Variants in PHLDB2 observed in about 807,000 individuals in gnomAD.
PHLDB2 encodes pleckstrin homology-like domain family B member 2.
A neutral mutation model predicts 123.6 loss-of-function variants in PHLDB2; 71 were observed. The observed-to-expected ratio is 0.57, with a 90% CI of 0.47 to 0.70. PHLDB2 has a LOEUF of 0.70. Ranked by LOEUF, PHLDB2 falls within the 30% of genes least tolerant of loss-of-function variation. The pLI is 0.00. For synonymous variants in PHLDB2, 547 were observed against 541.6 expected, an observed-to-expected ratio of 1.01 and a Z score of -0.14; for missense variants, 1,446 against 1,519.5, an observed-to-expected ratio of 0.95 and a Z score of 0.80.
chr3:111,741,636 T>C (rs1364628337), intron 1 of PHLDB2, among the ~76,000 whole-genome samples: 1 of 152,168 alleles, frequency 6.6e-6, no homozygotes, highest in Non-Finnish European at 1.5e-5. Flanking sequence ...AAATCCTTTG[T>C]CTGGACTATT....
In PHLDB2 at chr3:111,974,703, C is replaced by A; in HGVS notation, c.*140C>A. 2 of 840,840 alleles carry A rather than the reference C, an allele frequency of 2.4e-6. No homozygotes were observed. Among genetic ancestry groups the A allele is most frequent in the Middle Eastern group, 3.0e-4 (1 of 3,342 alleles). The allele number at this position is 840,840 out of a possible 1,614,324, so 52.1% of individuals were successfully genotyped here. A position where few individuals can be genotyped will look rare whatever the true frequency, so the allele number is the denominator to read the frequency against. ...ACTCAGAACTCCTTTCATATCAAGA[C>A]AAGTTATTTGTAAAAAATAAAGAAG... On this transcript the variant is annotated 3_prime_UTR_variant, in exon 18 of 18. Coordinates refer to ENST00000431670, the MANE Select transcript of PHLDB2 (RefSeq NM_001134438.2).
At chr3:111,740,067 G>A (rs905874235) in intron 1 of PHLDB2, among the ~76,000 whole-genome samples, 1 of 151,962 alleles carries the variant, frequency 6.6e-6, no homozygotes, top group Non-Finnish European at 1.5e-5. Context: ...AGGCAGCCCG[G>A]GCAGTACAAC....
intron 1 of PHLDB2, among the ~76,000 whole-genome samples, chr3:111,873,615 T>A (rs1318465969): frequency 6.6e-6 from 1 of 152,216 alleles, no homozygotes; most frequent in Non-Finnish European, 1.5e-5. Context: ...AGTGCTTAGC[T>A]TTTTATTCTG....
intron 2 of PHLDB2, among the ~76,000 whole-genome samples, chr3:111,894,904 A>G (rs2066728688): frequency 6.6e-6 from 1 of 151,440 alleles, no homozygotes; most frequent in Non-Finnish European, 1.5e-5. Flanking sequence ...TAAAGCAAGG[A>G]CTTTCTCTCT....
intron 1 of PHLDB2, among the ~76,000 whole-genome samples, chr3:111,810,165 A>G (rs1344154805): frequency 1.3e-5 from 2 of 152,166 alleles, no homozygotes; most frequent in African/African-American, 4.8e-5. Flanking sequence ...AGCCAAATGC[A>G]AGGTGACACA....
intron 3 of PHLDB2, among the ~76,000 whole-genome samples, chr3:111,918,844 T>C (rs6786539): frequency 0.81 from 122,999 of 151,692 alleles, 50,984 homozygotes; most frequent in Middle Eastern, 0.92. Flanking sequence ...TATGAATTGG[T>C]GAACTGAAGT....
At chr3:111,859,647 G>A in intron 1 of PHLDB2, 71 bp downstream of exon 1, 1 of 985,306 alleles carries the variant, frequency 1.0e-6, no homozygotes. Context: ...GTGCGTCCCG[G>A]GGACGCTGCC....
chr3:111,971,294 G>A (rs941089211), intron 16 of PHLDB2, among the ~76,000 whole-genome samples: 6 of 152,120 alleles, frequency 3.9e-5, no homozygotes, highest in African/African-American at 1.4e-4. Context: ...CTGTGCTCCT[G>A]TTCTCTGTGA....
chr3:111,843,497 C>A (rs1323445816), intron 1 of PHLDB2, among the ~76,000 whole-genome samples: 1 of 152,202 alleles, frequency 6.6e-6, no homozygotes, highest in East Asian at 1.9e-4. Context: ...CTCAAGCCAT[C>A]CTCCTGCCTC....
At chr3:111,737,604 C>T (rs1419236744) in intron 1 of PHLDB2, among the ~76,000 whole-genome samples, 1 of 152,098 alleles carries the variant, frequency 6.6e-6, no homozygotes, top group Non-Finnish European at 1.5e-5. Flanking sequence ...ATTGTTTTCA[C>T]ATAAGACCTC....
rs562100901 is a variant in PHLDB2 at position 111,756,809 on chromosome 3, G to C, written c.-49+24106G>C. Among the ~76,000 whole-genome samples the C allele has an allele frequency of 1.7e-3, 266 of 152,246 alleles. 2 individuals are homozygous for C. The highest frequency in any genetic ancestry group is 2.8e-3 in the Non-Finnish European group (192 of 68,022). On this transcript the variant is annotated intron_variant, in intron 1 of 17. Coordinates refer to the PHLDB2 transcript ENST00000393923. Reference sequence around the variant, plus strand: ...TACCTGTTGTTCCTTTCCATGTTTAGTGCTTCCTTCAGGAGCTCTTTTAGG... The same window carrying C: ...TACCTGTTGTTCCTTTCCATGTTTACTGCTTCCTTCAGGAGCTCTTTTAGG...
chr3:111,811,154 G>A (rs980802974), intron 1 of PHLDB2, among the ~76,000 whole-genome samples: 2 of 152,162 alleles, frequency 1.3e-5, no homozygotes, highest in Non-Finnish European at 2.9e-5. Context: ...TAAGTAACTG[G>A]TCTTACAGTT....
chr3:111,797,925 A>C (rs544240357), intron 1 of PHLDB2, among the ~76,000 whole-genome samples: 41 of 152,286 alleles, frequency 2.7e-4, no homozygotes, highest in Middle Eastern at 3.4e-3. Context: ...TGAGCCCATG[A>C]GTTTGAGGCC....
In PHLDB2 at chr3:111,919,028, G is replaced by C. The variant is rs200165708; in HGVS notation, c.1720-44G>C. 5.0e-6 allele frequency: 8 copies of C among 1,600,658 alleles called. No homozygotes were observed. In the South Asian group the frequency reaches 6.6e-5, roughly 13 times the overall value. ...TTACAAGTCAAGTTGGGAAATTCTAGAACTGAGGTGTGAATAATCCATTTC... is the reference window on the plus strand; with the variant it reads ...TTACAAGTCAAGTTGGGAAATTCTACAACTGAGGTGTGAATAATCCATTTC... On this transcript the variant is annotated intron_variant, in intron 3 of 17. Transcript: ENST00000431670.
At chr3:111,918,786 C>T (rs1221957759) in intron 3 of PHLDB2, among the ~76,000 whole-genome samples, 1 of 152,226 alleles carries the variant, frequency 6.6e-6, no homozygotes, top group Non-Finnish European at 1.5e-5. Context: ...CTATATACCA[C>T]ACCTTTCTTA....
At chr3:111,970,024 G>A in intron 16 of PHLDB2, 115 bp downstream of exon 16, 1 of 878,240 alleles carries the variant, frequency 1.1e-6, no homozygotes. Flanking sequence ...AGAATTAATG[G>A]CAATATTAGA....
intron 2 of PHLDB2, chr3:111,911,467 A>T: frequency 1.5e-6 from 1 of 666,704 alleles, no homozygotes; most frequent in Non-Finnish European, 2.5e-6. Context: ...GCCCATGTAG[A>T]CTTTTCCAGA....
chr3:111,745,818 AAAGAG>A (rs1356212147), intron 1 of PHLDB2, among the ~76,000 whole-genome samples: 1 of 152,094 alleles, frequency 6.6e-6, no homozygotes, highest in African/African-American at 2.4e-5. Context: ...AGAAGAAAGA[AAAGAG>A]AAGAGAAGAG....
chr3:111,815,789 G>C (rs1048878747), intron 1 of PHLDB2, among the ~76,000 whole-genome samples: 1 of 152,194 alleles, frequency 6.6e-6, no homozygotes, highest in African/African-American at 2.4e-5. Flanking sequence ...TAATTAATGA[G>C]GAGTCAAATA....
Sources: gnomAD v4.1 joint callset for allele counts (sites outside exome capture counted in the v4.1 genomes callset) on GRCh38, gnomAD v4.1.1 for gene constraint, MANE v1.5 for transcripts, NCBI Gene and HGNC (gene_info 2026-07-23, HGNC 2026-07-21) for gene names.